PPM1H: variants seen among roughly 807,000 people sequenced by gnomAD.
PPM1H encodes the protein protein phosphatase 1H.
Under a neutral mutation model 54.9 loss-of-function variants are expected in PPM1H, and 27 were observed. The observed-to-expected ratio is 0.49, with a 90% confidence interval of 0.36 to 0.68. PPM1H has a LOEUF of 0.68. PPM1H is among the 30% of genes least tolerant of loss of function. The pLI is 0.00. For synonymous variants in PPM1H, 305 were observed against 270.8 expected, an observed-to-expected ratio of 1.13 and a Z score of -1.24; for missense variants, 596 against 667.8, an observed-to-expected ratio of 0.89 and a Z score of 1.19.
rs568293961 is a variant in PPM1H, at chr12:62,663,150, T to C, written c.1397+4028A>G. Among the ~76,000 whole-genome samples, 638 of 152,244 alleles carry C rather than the reference T, an allele frequency of 4.2e-3. 5 individuals are homozygous for C. Among genetic ancestry groups the C allele is most frequent in the Non-Finnish European group, 7.6e-3 (518 of 68,012 alleles). On this transcript the variant is annotated intron_variant, in intron 9 of 9. Coordinates refer to ENST00000228705, the MANE Select transcript of PPM1H (RefSeq NM_020700.2). ...ACACGCAAGTTACTTCCAGTTTCTG[T>C]AATAAAAACAATTCTGTGAATATCT...
chr12:62,687,136 C>T (rs1188658426), intron 8 of PPM1H, among the ~76,000 whole-genome samples: 1 of 152,254 alleles, frequency 6.6e-6, no homozygotes, highest in Non-Finnish European at 1.5e-5. Context: ...AGTGGCAGAA[C>T]TCCATGTGAG....
intron 1 of PPM1H, among the ~76,000 whole-genome samples, chr12:62,920,649 T>G (rs1301002019): frequency 6.6e-6 from 1 of 151,198 alleles, no homozygotes; most frequent in Non-Finnish European, 1.5e-5. Context: ...AAAGAAAAAA[T>G]TCTTAATAGT....
intron 4 of PPM1H, among the ~76,000 whole-genome samples, chr12:62,765,321 A>C (rs2076535276): frequency 6.6e-6 from 1 of 152,190 alleles, no homozygotes; most frequent in African/African-American, 2.4e-5. Flanking sequence ...AAATGCCTCT[A>C]TGTGCTGGGC....
chr12:62,871,461 T>C (rs1006143742), intron 1 of PPM1H, among the ~76,000 whole-genome samples: 2 of 151,804 alleles, frequency 1.3e-5, no homozygotes, highest in African/African-American at 2.4e-5. Context: ...GAATTAGTGG[T>C]AGTGGTTAGA....
At chr12:62,790,341 C>G (rs1189092433) in intron 3 of PPM1H, among the ~76,000 whole-genome samples, 1 of 152,172 alleles carries the variant, frequency 6.6e-6, no homozygotes, top group Non-Finnish European at 1.5e-5. Flanking sequence ...CTTTGGGAGG[C>G]AGAGACAGGA....
At chr12:62,797,087 T>C (rs772943284) in intron 3 of PPM1H, among the ~76,000 whole-genome samples, 7 of 152,068 alleles carry the variant, frequency 4.6e-5, no homozygotes, top group South Asian at 2.1e-4. Context: ...CAGCATTCCA[T>C]TGAGGGACAA....
chr12:62,793,592 C>T (rs1458883924), intron 3 of PPM1H, among the ~76,000 whole-genome samples: 5 of 151,810 alleles, frequency 3.3e-5, no homozygotes, highest in Non-Finnish European at 5.9e-5. Flanking sequence ...GGTGTGATGG[C>T]GCATGCTTGT....
intron 6 of PPM1H, among the ~76,000 whole-genome samples, chr12:62,704,092 C>CT (rs925320633): frequency 6.6e-5 from 10 of 151,648 alleles, no homozygotes; most frequent in Non-Finnish European, 1.2e-4. Context: ...CTTTTAGAGT[C>CT]TTTTTTTCCC....
At position 62,705,967 on chromosome 12, in the gene PPM1H, C is replaced by T. The variant is rs557782271; in HGVS notation, c.1074-11968G>A. On this transcript the variant is annotated intron_variant, in intron 6 of 9. Coordinates refer to ENST00000228705, the MANE Select transcript of PPM1H (RefSeq NM_020700.2). ...CACAGGCAGTTCCTCTGTGTCGGCC[C>T]TTGCGGCTTTCCCTCACGAAGCTTC... Among the ~76,000 whole-genome samples, 4 of 152,294 alleles carry T rather than the reference C, an allele frequency of 2.6e-5. No individual in the cohort carries two copies. In the East Asian group the frequency reaches 5.8e-4, roughly 22 times the overall value.
chr12:62,753,027 C>T (rs1189110559), intron 4 of PPM1H, among the ~76,000 whole-genome samples: 1 of 152,006 alleles, frequency 6.6e-6, no homozygotes, highest in Non-Finnish European at 1.5e-5. Flanking sequence ...GAGTGGTGCT[C>T]AGGAATGAGG....
intron 8 of PPM1H, among the ~76,000 whole-genome samples, chr12:62,687,623 T>C (rs143612212): frequency 6.6e-6 from 1 of 152,180 alleles, no homozygotes; most frequent in African/African-American, 2.4e-5. Flanking sequence ...CAAAATAGTC[T>C]TTGTTAAAAC....
chr12:62,765,029 A>T (rs1030097900), intron 4 of PPM1H, among the ~76,000 whole-genome samples: 1 of 152,230 alleles, frequency 6.6e-6, no homozygotes, highest in Non-Finnish European at 1.5e-5. Context: ...AAAAAAGTTC[A>T]GATGAGCTCA....
chr12:62,928,700 G>C (rs1293522531), intron 1 of PPM1H, among the ~76,000 whole-genome samples: 1 of 152,144 alleles, frequency 6.6e-6, no homozygotes, highest in Admixed American at 6.5e-5. Context: ...CTTGATACCT[G>C]CTCAAGTTCC....
intron 2 of PPM1H, among the ~76,000 whole-genome samples, chr12:62,813,760 T>G (rs1294252388): frequency 3.3e-5 from 5 of 152,192 alleles, no homozygotes; most frequent in Admixed American, 1.3e-4. Flanking sequence ...TATGGAATTA[T>G]ACTCGCTATT....
chr12:62,916,732 T>C (rs1871636971), intron 1 of PPM1H, among the ~76,000 whole-genome samples: 1 of 152,020 alleles, frequency 6.6e-6, no homozygotes. Flanking sequence ...AGTTCTGGTA[T>C]AAATGGAGTT....
At chr12:62,783,061 G>A (rs1232598671) in intron 4 of PPM1H, among the ~76,000 whole-genome samples, 1 of 152,084 alleles carries the variant, frequency 6.6e-6, no homozygotes, top group Non-Finnish European at 1.5e-5. Flanking sequence ...GCAACTCTTA[G>A]GCTCAAGTAA....
intron 4 of PPM1H, among the ~76,000 whole-genome samples, chr12:62,770,315 C>G (rs1001484854): frequency 6.6e-6 from 1 of 152,116 alleles, no homozygotes; most frequent in African/African-American, 2.4e-5. Context: ...CCATTTCCCC[C>G]ATTTCCCTGA....
chr12:62,906,734 T>C (rs748828735), intron 1 of PPM1H, among the ~76,000 whole-genome samples: 1 of 152,080 alleles, frequency 6.6e-6, no homozygotes, highest in Non-Finnish European at 1.5e-5. Flanking sequence ...GAAGAAGATA[T>C]GAGATAAAAA....
At chr12:62,769,262 C>T (rs1191025572) in intron 4 of PPM1H, among the ~76,000 whole-genome samples, 3 of 152,224 alleles carry the variant, frequency 2.0e-5, no homozygotes, top group Non-Finnish European at 2.9e-5. Context: ...AAACCTGCAC[C>T]ACTTGGGGTA....
Sources: gnomAD v4.1 joint callset for allele counts (sites outside exome capture counted in the v4.1 genomes callset) on GRCh38, gnomAD v4.1.1 for gene constraint, MANE v1.5 for transcripts, NCBI Gene and HGNC (gene_info 2026-07-23, HGNC 2026-07-21) for gene names.